FAM221A: variants seen among roughly 807,000 people sequenced by gnomAD.
The protein encoded by FAM221A is family with sequence similarity 221 member A, also known as protein FAM221A.
Under a neutral mutation model 37.6 loss-of-function variants are expected in FAM221A, and 43 were observed. That is an observed-to-expected ratio of 1.15 (90% confidence interval 0.90 to 1.48). FAM221A has a LOEUF of 1.48. Ranked by LOEUF, FAM221A falls within the 40% of genes most tolerant of loss-of-function variation. The pLI, the probability that FAM221A is intolerant of heterozygous loss-of-function variation, is 0.00. For synonymous variants in FAM221A, 135 were observed against 132.9 expected (o/e 1.02, Z -0.11); for missense variants, 361 against 361.5 (o/e 1.00, Z 0.01).
At chr7:23,682,891 T>G (rs1260675292) in intron 1 of FAM221A, among the ~76,000 whole-genome samples, 2 of 152,222 alleles carry the variant, frequency 1.3e-5, no homozygotes, top group African/African-American at 4.8e-5. Context: ...TCTTGATAGC[T>G]ACAAGAAAAT....
At chr7:23,699,681 A>G (rs1339553549) in intron 5 of FAM221A, among the ~76,000 whole-genome samples, 1 of 151,006 alleles carries the variant, frequency 6.6e-6, no homozygotes, top group East Asian at 2.0e-4. Flanking sequence ...AGCTGGGACT[A>G]TAGGGATGCA....
Position 23,702,398 on chromosome 7 carries a change from TTA to T in FAM221A, c.*238_*239del. 3.5e-6 allele frequency: 1 copy of T among 285,328 alleles called. No individual in the cohort carries two copies. The highest frequency in any genetic ancestry group is 6.6e-6 in the Non-Finnish European group (1 of 150,916). The allele number at this position is 285,328 out of a possible 1,614,324, so 17.7% of individuals were successfully genotyped here. On this transcript the variant is annotated 3_prime_UTR_variant, in exon 7 of 7. Transcript: ENST00000344962. ...CTTTCTCCTGACAAATGAGGTTATT[TTA>T]TATGAGTCTGTCTGAGAGTACAGTA...
intron 3 of FAM221A, among the ~76,000 whole-genome samples, chr7:23,691,186 T>C (rs1784722004): frequency 6.6e-6 from 1 of 152,144 alleles, no homozygotes; most frequent in South Asian, 2.1e-4. Flanking sequence ...TTTTGCAGTT[T>C]TTTTTTTTTC....
intron 4 of FAM221A, 55 bp downstream of exon 4, chr7:23,691,651 C>T: frequency 7.1e-7 from 1 of 1,414,452 alleles, no homozygotes. Flanking sequence ...TGTGTGCTAA[C>T]AATAGTGAAG....
rs774572642 is a variant in FAM221A, at chr7:23,691,342, AC to A, written c.431-47del. The stretch of plus-strand genomic sequence containing the variant: ...GCCAGGCTAAGTGTCTTTAGGGTAG[AC>A]AACATAGTACCTTTAAGAATTTAAC... On this transcript the variant is annotated intron_variant, in intron 3 of 6. Coordinates refer to ENST00000344962, the MANE Select transcript of FAM221A (RefSeq NM_199136.5). 3 of 1,584,068 alleles carry A rather than the reference AC, an allele frequency of 1.9e-6. No individual in the cohort carries two copies. The African/African-American group carries it at 4.0e-5, about 21-fold the overall frequency.
intron 5 of FAM221A, among the ~76,000 whole-genome samples, chr7:23,698,794 G>C (rs563049581): frequency 6.6e-6 from 1 of 152,256 alleles, no homozygotes; most frequent in Admixed American, 6.5e-5. Context: ...TAGTATTTTA[G>C]AATATTTTAA....
chr7:23,686,349 G>A (rs1280755113), intron 2 of FAM221A: 3 of 402,862 alleles, frequency 7.4e-6, no homozygotes, highest in South Asian at 3.5e-5. Context: ...TTGCAGCCTC[G>A]ACCTCCTGGG....
chr7:23,691,679 A>G, intron 4 of FAM221A, 83 bp downstream of exon 4: 2 of 1,155,188 alleles, frequency 1.7e-6, no homozygotes, highest in Non-Finnish European at 2.5e-6. Context: ...TTTGTTAAGC[A>G]ATTTATAGTA....
At chr7:23,690,219 A>G (rs1784661295) in intron 3 of FAM221A, among the ~76,000 whole-genome samples, 2 of 65,432 alleles carry the variant, frequency 3.1e-5, no homozygotes, top group African/African-American at 5.3e-5. Context: ...TTTTTAATAG[A>G]GTTTTGCTCT....
chr7:23,701,358 GC>G (rs1562531614), intron 6 of FAM221A, among the ~76,000 whole-genome samples: 1 of 149,886 alleles, frequency 6.7e-6, no homozygotes, highest in African/African-American at 2.5e-5. Context: ...TCCTGCTTCA[GC>G]CTCCCGAGTA....
At chr7:23,700,295 T>C (rs1785339562) in intron 5 of FAM221A, among the ~76,000 whole-genome samples, 1 of 152,228 alleles carries the variant, frequency 6.6e-6, no homozygotes, top group Admixed American at 6.5e-5. Flanking sequence ...CTGAAGCAAT[T>C]TCAAAAGTTC....
Position 23,696,748 on chromosome 7 carries a change from G to C in FAM221A, c.638-1444G>C, listed in dbSNP as rs538098315. 3.3e-5 allele frequency among the ~76,000 whole-genome samples: 5 copies of C among 152,310 alleles called. No individual in the cohort carries two copies. In the South Asian group the frequency reaches 1.0e-3, roughly 32 times the overall value. On this transcript the variant is annotated intron_variant, in intron 4 of 6. Transcript: ENST00000344962. ...TGGAGTGAAGAAAGGTGAGAGTAAGGAGAGGAAATATAAGATGTTTTTGTT... is the reference window on the plus strand; with the variant it reads ...TGGAGTGAAGAAAGGTGAGAGTAAGCAGAGGAAATATAAGATGTTTTTGTT...
At position 23,700,646 on chromosome 7, in the gene FAM221A, A is replaced by C. The variant is rs941959515; in HGVS notation, c.746-140A>C. On this transcript the variant is annotated intron_variant, in intron 5 of 6. Coordinates refer to ENST00000344962, the MANE Select transcript of FAM221A (RefSeq NM_199136.5). Reference sequence around the variant, plus strand: ...TCTCTCTAAAAGAGAATGAGGTAGTAGGACCAATTATTCATTTAGGCCATT... The same window carrying C: ...TCTCTCTAAAAGAGAATGAGGTAGTCGGACCAATTATTCATTTAGGCCATT... 8 of 577,166 alleles carry C rather than the reference A, an allele frequency of 1.4e-5. No homozygotes were observed. In the African/African-American group the frequency reaches 1.5e-4, roughly 11 times the overall value. The allele number at this position is 577,166 out of a possible 1,614,324, so 35.8% of individuals were successfully genotyped here. A position where few individuals can be genotyped will look rare whatever the true frequency, so the allele number is the denominator to read the frequency against.
intron 2 of FAM221A, chr7:23,688,429 G>A (rs1037406192): frequency 6.6e-6 from 1 of 152,132 alleles, no homozygotes; most frequent in Non-Finnish European, 1.5e-5. Context: ...AAGAAAGTGA[G>A]TGATCTATTT....
intron 4 of FAM221A, among the ~76,000 whole-genome samples, chr7:23,695,674 A>G (rs1278381154): frequency 6.6e-6 from 1 of 151,618 alleles, no homozygotes; most frequent in Non-Finnish European, 1.5e-5. Flanking sequence ...TTCCTGGCCA[A>G]TTTTTTTTCA....
chr7:23,683,044 T>C (rs1419489778), intron 1 of FAM221A, among the ~76,000 whole-genome samples: 3 of 152,174 alleles, frequency 2.0e-5, no homozygotes, highest in African/African-American at 4.8e-5. Context: ...GGCAAGTACA[T>C]AGAGCAATGG....
At chr7:23,692,872 G>A in intron 4 of FAM221A, 1 of 474,650 alleles carries the variant, frequency 2.1e-6, no homozygotes. Flanking sequence ...TCTTGCTATG[G>A]TGGTAGGCTA....
intron 1 of FAM221A, among the ~76,000 whole-genome samples, chr7:23,682,370 C>CAT (rs1361756837): frequency 1.1e-5 from 1 of 93,930 alleles, no homozygotes; most frequent in African/African-American, 5.0e-5. Context: ...CTGGCTTTAT[C>CAT]ATGTGTGTGT....
intron 3 of FAM221A, among the ~76,000 whole-genome samples, chr7:23,690,199 A>ATATATATATAT (rs774313037): frequency 0.016 from 756 of 48,610 alleles, 14 homozygotes; most frequent in Non-Finnish European, 0.021. Flanking sequence ...ATATATATAT[A>ATATATATATAT]TTTTTTTTTT....
Sources: gnomAD v4.1 joint callset for allele counts (sites outside exome capture counted in the v4.1 genomes callset) on GRCh38, gnomAD v4.1.1 for gene constraint, MANE v1.5 for transcripts, NCBI Gene and HGNC (gene_info 2026-07-23, HGNC 2026-07-21) for gene names.